Variants in PTPRN2 observed in about 807,000 individuals in gnomAD.
PTPRN2 encodes receptor-type tyrosine-protein phosphatase N2.
A neutral mutation model predicts 118.8 loss-of-function variants in PTPRN2; 74 were observed. The observed-to-expected ratio is 0.62, with a 90% confidence interval of 0.52 to 0.76. The LOEUF is 0.76. Among genes scored for constraint, PTPRN2 ranks in the 30% least tolerant of loss-of-function variants. The pLI, the probability that PTPRN2 is intolerant of heterozygous loss-of-function variation, is 0.00. For synonymous variants in PTPRN2, 641 were observed against 608.0 expected (o/e 1.05, Z -0.80); for missense variants, 1,481 against 1,394.4 (o/e 1.06, Z -0.99).
At chr7:158,553,411 C>T (rs1436761707) in intron 1 of PTPRN2, among the ~76,000 whole-genome samples, 4 of 151,264 alleles carry the variant, frequency 2.6e-5, no homozygotes, top group South Asian at 4.2e-4. Flanking sequence ...CCCTTATACA[C>T]ACACAGGCTT....
At chr7:158,333,425 CCAT>C (rs1804904015) in intron 2 of PTPRN2, among the ~76,000 whole-genome samples, 1 of 147,616 alleles carries the variant, frequency 6.8e-6, no homozygotes, top group Admixed American at 6.6e-5. Flanking sequence ...CACACTGTCA[CCAT>C]AAGAGGTGAC....
At chr7:157,856,602 C>G (rs1223154729) in intron 12 of PTPRN2, among the ~76,000 whole-genome samples, 3 of 152,230 alleles carry the variant, frequency 2.0e-5, no homozygotes, top group Non-Finnish European at 4.4e-5. Flanking sequence ...CAAAGGTTAA[C>G]TCACAGTAGT....
At chr7:158,087,472 A>G (rs1417025854) in intron 10 of PTPRN2, among the ~76,000 whole-genome samples, 1 of 152,240 alleles carries the variant, frequency 6.6e-6, no homozygotes, top group Admixed American at 6.5e-5. Context: ...TCCTGGGAGA[A>G]CCATCCACCT....
At chr7:157,623,983 C>T (rs1803416711) in intron 14 of PTPRN2, among the ~76,000 whole-genome samples, 1 of 152,174 alleles carries the variant, frequency 6.6e-6, no homozygotes, top group Non-Finnish European at 1.5e-5. Context: ...AGATGCTTTT[C>T]ATCTGTGAGT....
chr7:158,036,444 G>A (rs1288978610), intron 11 of PTPRN2, among the ~76,000 whole-genome samples: 2 of 152,144 alleles, frequency 1.3e-5, no homozygotes, highest in Non-Finnish European at 1.5e-5. Context: ...TTCAGTCTAG[G>A]ACACAATTTA....
intron 6 of PTPRN2, among the ~76,000 whole-genome samples, chr7:158,145,802 A>G (rs1819905668): frequency 1.3e-5 from 2 of 152,146 alleles, no homozygotes; most frequent in Non-Finnish European, 2.9e-5. Context: ...CCGATCATCC[A>G]TCCTTGTGCT....
chr7:158,009,738 A>G (rs1440372302), intron 11 of PTPRN2, among the ~76,000 whole-genome samples: 2 of 152,234 alleles, frequency 1.3e-5, no homozygotes, highest in African/African-American at 2.4e-5. Context: ...TATATAGCAC[A>G]TGATAAAGAG....
intron 12 of PTPRN2, among the ~76,000 whole-genome samples, chr7:157,880,698 C>T (rs147215914): frequency 7.6e-4 from 116 of 152,294 alleles, no homozygotes; most frequent in African/African-American, 1.7e-3. Context: ...CAGACTGAAC[C>T]GTGGATCTGA....
At chr7:157,654,343 C>G (rs1805925940) in intron 14 of PTPRN2, among the ~76,000 whole-genome samples, 1 of 152,054 alleles carries the variant, frequency 6.6e-6, no homozygotes, top group Non-Finnish European at 1.5e-5. Flanking sequence ...TCCCCACACC[C>G]ACCCTGACTC....
chr7:157,557,088 A>G (rs1798934067), intron 21 of PTPRN2, among the ~76,000 whole-genome samples: 1 of 151,560 alleles, frequency 6.6e-6, no homozygotes, highest in African/African-American at 2.4e-5. Context: ...ACACACACAC[A>G]CAGATATACA....
At chr7:158,177,385 A>G (rs562246692) in intron 5 of PTPRN2, among the ~76,000 whole-genome samples, 8 of 152,080 alleles carry the variant, frequency 5.3e-5, no homozygotes, top group Non-Finnish European at 1.0e-4. Context: ...TATCCGTTCA[A>G]AGTTTTTATA....
chr7:157,871,562 G>A (rs1488682670), intron 12 of PTPRN2, among the ~76,000 whole-genome samples: 1 of 152,036 alleles, frequency 6.6e-6, no homozygotes, highest in Non-Finnish European at 1.5e-5. Flanking sequence ...CCACCCCAGG[G>A]CCCCTGAAGA....
rs142205553 is a variant in PTPRN2 at position 157,804,294 on chromosome 7, G to T, written c.1788+94379C>A. ...AACCTCCTACTTCATGAAACAATTTGCTAAGGCTGGGAATTTTTCTTCCAT... is the reference window on the plus strand; with the variant it reads ...AACCTCCTACTTCATGAAACAATTTTCTAAGGCTGGGAATTTTTCTTCCAT... On this transcript the variant is annotated intron_variant, in intron 12 of 22. Coordinates refer to ENST00000389418, the MANE Select transcript of PTPRN2 (RefSeq NM_002847.5). Among the ~76,000 whole-genome samples the T allele has an allele frequency of 4.6e-5, 7 of 152,312 alleles. No homozygotes were observed. In the East Asian group the frequency reaches 1.4e-3, roughly 29 times the overall value.
chr7:157,673,799 G>A (rs963253853), intron 13 of PTPRN2, among the ~76,000 whole-genome samples: 5 of 151,920 alleles, frequency 3.3e-5, no homozygotes, highest in South Asian at 2.1e-4. Flanking sequence ...AGGGCTCCCC[G>A]CGTTCTCTGA....
At chr7:158,126,748 C>T (rs1411641775) in intron 9 of PTPRN2, among the ~76,000 whole-genome samples, 2 of 152,190 alleles carry the variant, frequency 1.3e-5, no homozygotes, top group Admixed American at 1.3e-4. Context: ...CGGTGGGTTT[C>T]ACATTTCACA....
chr7:158,338,595 A>G (rs1380177368), intron 2 of PTPRN2, among the ~76,000 whole-genome samples: 2 of 110,032 alleles, frequency 1.8e-5, no homozygotes, highest in African/African-American at 8.1e-5. Context: ...CTCTCACCAT[A>G]AGAGCTGAGG....
chr7:158,362,428 G>A (rs1426261211), intron 2 of PTPRN2, among the ~76,000 whole-genome samples: 2 of 152,208 alleles, frequency 1.3e-5, no homozygotes, highest in African/African-American at 4.8e-5. Flanking sequence ...TGTAATTAAA[G>A]ATGGCCTAAT....
rs190321418 is a variant in PTPRN2 at position 158,007,915 on chromosome 7, G to A, written c.1723+73383C>T. Among the ~76,000 whole-genome samples the A allele has an allele frequency of 3.1e-4, 47 of 151,710 alleles. 1 individual carries two copies. Among genetic ancestry groups the A allele is most frequent in the Admixed American group, 1.2e-3 (19 of 15,250 alleles). On this transcript the variant is annotated intron_variant, in intron 11 of 22. Transcript: ENST00000389418. The stretch of plus-strand genomic sequence containing the variant: ...ATGTATCTGGTTGTGTGCATTGCAC[G>A]TGTGTGAGGGTGTGTGTGGCTGTGC...
intron 3 of PTPRN2, among the ~76,000 whole-genome samples, chr7:158,273,821 A>AC (rs1798725238): frequency 3.4e-4 from 13 of 38,318 alleles, no homozygotes; most frequent in South Asian, 1.5e-3. Context: ...AGCCGCAGGC[A>AC]TGGGGGAGCC....
Sources: gnomAD v4.1 joint callset for allele counts (sites outside exome capture counted in the v4.1 genomes callset) on GRCh38, gnomAD v4.1.1 for gene constraint, MANE v1.5 for transcripts, NCBI Gene and HGNC (gene_info 2026-07-23, HGNC 2026-07-21) for gene names.